The following SUPT3H variants were observed in gnomAD, a reference collection of about 807,000 sequenced individuals.
SUPT3H encodes the protein SPT3 homolog, SAGA and STAGA complex component.
A neutral mutation model predicts 44.3 loss-of-function variants in SUPT3H; 44 were observed. The ratio of observed to expected loss-of-function variants is 0.99; its 90% confidence interval spans 0.78 to 1.28. SUPT3H has a LOEUF of 1.28. SUPT3H is among the 50% of genes most tolerant of loss of function. The pLI is 0.00. For synonymous variants in SUPT3H, 124 were observed against 125.6 expected (o/e 0.99, Z 0.09); for missense variants, 380 against 387.1 (o/e 0.98, Z 0.15).
intron 2 of SUPT3H, among the ~76,000 whole-genome samples, chr6:45,333,481 C>T (rs1311912356): frequency 1.3e-5 from 2 of 151,422 alleles, no homozygotes; most frequent in Admixed American, 6.6e-5. Flanking sequence ...TTATTAAGGG[C>T]ATAGGACTCA....
At position 45,164,808 on chromosome 6, in the gene SUPT3H, G is replaced by A. The variant is rs565004314; in HGVS notation, c.102-58802C>T. 7.9e-5 allele frequency among the ~76,000 whole-genome samples: 12 copies of A among 151,808 alleles called. 1 individual carries two copies. The highest frequency in any genetic ancestry group is 4.2e-4 in the South Asian group (2 of 4,798). ...TTTAAAAAGTATAGTAAAATTTTTC[G>A]GAAGTTCTGCTTCTACTTCAGGATG... On this transcript the variant is annotated intron_variant, in intron 2 of 10. Coordinates refer to ENST00000371459, the MANE Select transcript of SUPT3H (RefSeq NM_003599.4).
chr6:45,376,304 G>T (rs1042404918), intron 1 of SUPT3H, among the ~76,000 whole-genome samples: 2 of 152,190 alleles, frequency 1.3e-5, no homozygotes, highest in Non-Finnish European at 2.9e-5. Context: ...CAAAGAGCTG[G>T]CTTATCTGAT....
At chr6:44,925,065 T>C (rs1204443782) in intron 10 of SUPT3H, among the ~76,000 whole-genome samples, 5 of 152,282 alleles carry the variant, frequency 3.3e-5, no homozygotes, top group African/African-American at 9.6e-5. Flanking sequence ...AAAAGTTCAA[T>C]GTGAAGAATT....
chr6:44,941,611 G>T (rs919361250), intron 9 of SUPT3H, among the ~76,000 whole-genome samples: 18 of 152,148 alleles, frequency 1.2e-4, no homozygotes, highest in African/African-American at 4.3e-4. Flanking sequence ...TAAATTCAAG[G>T]ATTCATACAT....
At chr6:45,225,880 A>G (rs571512863) in intron 2 of SUPT3H, among the ~76,000 whole-genome samples, 4 of 152,324 alleles carry the variant, frequency 2.6e-5, no homozygotes, top group Admixed American at 2.0e-4. Context: ...CAATGAAACT[A>G]AAATACACCA....
intron 2 of SUPT3H, among the ~76,000 whole-genome samples, chr6:45,320,545 C>G (rs1785331181): frequency 6.6e-6 from 1 of 151,906 alleles, no homozygotes; most frequent in Admixed American, 6.6e-5. Context: ...TCCCAAAATG[C>G]TGGGATTATA....
intron 5 of SUPT3H, among the ~76,000 whole-genome samples, chr6:45,014,010 T>C (rs1260860414): frequency 1.3e-5 from 2 of 152,062 alleles, no homozygotes; most frequent in Non-Finnish European, 2.9e-5. Flanking sequence ...AGACTTTAAA[T>C]GATTATTTCA....
At chr6:45,098,350 T>C (rs777057696) in intron 3 of SUPT3H, 9 of 154,948 alleles carry the variant, frequency 5.8e-5, no homozygotes, top group Non-Finnish European at 1.3e-4. Flanking sequence ...CAAAGTCTGA[T>C]GTCAAAAAAA....
intron 10 of SUPT3H, among the ~76,000 whole-genome samples, chr6:44,915,531 A>C (rs1767678921): frequency 6.6e-6 from 1 of 152,154 alleles, no homozygotes; most frequent in South Asian, 2.1e-4. Context: ...AGTTCATGCC[A>C]TGATGGGAAG....
chr6:44,809,216 C>T (rs1766352315), downstream of SUPT3H: 1 of 152,234 alleles, frequency 6.6e-6, no homozygotes, highest in African/African-American at 2.4e-5. Context: ...GCTGAAAACG[C>T]TTTGATATTC....
At chr6:45,161,816 CTTAAT>C (rs879703069) in intron 2 of SUPT3H, among the ~76,000 whole-genome samples, 1 of 152,096 alleles carries the variant, frequency 6.6e-6, no homozygotes, top group Non-Finnish European at 1.5e-5. Context: ...TTTTATATGG[CTTAAT>C]TTAAACACTA....
At chr6:45,318,632 TATAA>T (rs772355593) in intron 2 of SUPT3H, among the ~76,000 whole-genome samples, 7 of 152,094 alleles carry the variant, frequency 4.6e-5, no homozygotes, top group African/African-American at 9.6e-5. Flanking sequence ...TAATCAACTT[TATAA>T]ATATTTCATG....
intron 2 of SUPT3H, among the ~76,000 whole-genome samples, chr6:45,142,198 T>C (rs535762956): frequency 4.6e-5 from 7 of 152,010 alleles, no homozygotes; most frequent in Non-Finnish European, 1.0e-4. Context: ...AAACAAATGC[T>C]GAGAGAATAC....
At chr6:45,183,774 GAC>G (rs1437951685) in intron 2 of SUPT3H, among the ~76,000 whole-genome samples, 2 of 152,162 alleles carry the variant, frequency 1.3e-5, no homozygotes, top group African/African-American at 4.8e-5. Flanking sequence ...AAGCCACAAA[GAC>G]ACAGAAGAAC....
chr6:45,172,215 G>A (rs1810925946), intron 2 of SUPT3H, among the ~76,000 whole-genome samples: 1 of 151,652 alleles, frequency 6.6e-6, no homozygotes, highest in African/African-American at 2.4e-5. Flanking sequence ...TGGGACTATA[G>A]GCTCACGCTA....
chr6:44,821,177 T>C lies in SUPT3H; in HGVS notation c.*52+8587A>G, dbSNP rs114945386. Among the ~76,000 whole-genome samples, 376 of 152,316 alleles carry C rather than the reference T, an allele frequency of 2.5e-3. 2 individuals carry two copies. Among genetic ancestry groups the C allele is most frequent in the African/African-American group, 8.3e-3 (343 of 41,566 alleles). On this transcript the variant is annotated intron_variant and NMD_transcript_variant, in intron 11 of 11. Transcript: ENST00000475057. ...TGAGAAAGTAACATGATATTTCATG[T>C]ATGGCTTGAAGAAGGTAAGGTAGCC...
intron 10 of SUPT3H, among the ~76,000 whole-genome samples, chr6:44,885,861 A>G (rs1762182251): frequency 6.6e-6 from 1 of 152,152 alleles, no homozygotes; most frequent in African/African-American, 2.4e-5. Flanking sequence ...GAAGGTGAAA[A>G]CTTTGAAAAA....
intron 3 of SUPT3H, among the ~76,000 whole-genome samples, chr6:45,030,735 C>T (rs968639778): frequency 6.6e-6 from 1 of 152,138 alleles, no homozygotes; most frequent in Admixed American, 6.5e-5. Flanking sequence ...AAGTTGATAT[C>T]TAATTTTATC....
intron 2 of SUPT3H, among the ~76,000 whole-genome samples, chr6:45,299,631 G>A (rs1420725224): frequency 6.6e-6 from 1 of 151,592 alleles, no homozygotes; most frequent in Admixed American, 6.6e-5. Context: ...AAATTTTAAT[G>A]GTAGCTAAAA....
Sources: allele counts gnomAD v4.1 joint callset (sites outside exome capture counted in the v4.1 genomes callset), GRCh38; gene constraint gnomAD v4.1.1; transcripts MANE v1.5; gene names NCBI Gene and HGNC (gene_info 2026-07-23, HGNC 2026-07-21).